RBFOX1: variants seen among roughly 807,000 people sequenced by gnomAD.
RBFOX1 encodes the protein RNA binding protein fox-1 homolog 1.
In RBFOX1, 8 loss-of-function variants were observed where a neutral mutation model predicts 57.7. That is an observed-to-expected ratio of 0.14 (90% CI 0.08 to 0.25). The LOEUF is 0.25. Among genes scored for constraint, RBFOX1 ranks in the 10% least tolerant of loss-of-function variants. The pLI is 1.00. For synonymous variants in RBFOX1, 326 were observed against 222.4 expected, an observed-to-expected ratio of 1.47 and a Z score of -4.15; for missense variants, 611 against 548.5, an observed-to-expected ratio of 1.11 and a Z score of -1.14.
At position 7,480,754 on chromosome 16, in the gene RBFOX1, G is replaced by A. The variant is rs573150426; in HGVS notation, c.28-37393G>A. Among the ~76,000 whole-genome samples the A allele has an allele frequency of 7.9e-5, 12 of 152,328 alleles. No homozygotes were observed. In the South Asian group the frequency reaches 2.5e-3, roughly 32 times the overall value. ...GGCACAGGCTTGACTGCAAGGGGAT[G>A]TGGGAAGCCATTTGTGAGAAGTCGT... On this transcript the variant is annotated intron_variant, in intron 4 of 15. Transcript: ENST00000550418.
chr16:5,827,266 G>C (rs931960332), intron 3 of RBFOX1, among the ~76,000 whole-genome samples: 3 of 151,970 alleles, frequency 2.0e-5, no homozygotes, highest in Admixed American at 1.3e-4. Flanking sequence ...CGGGTGTGGT[G>C]GTGGGTGCCA....
Position 5,362,439 on chromosome 16 carries a change from C to T in RBFOX1, c.220-104777C>T, listed in dbSNP as rs774433536. ...GTGCAACGGCGCGATCTCAGCTCAC[C>T]GCAACCTCTGCCTCCTGGGTTCAAG... is the stretch of plus-strand genomic sequence containing the variant. On this transcript the variant is annotated intron_variant, in intron 1 of 2. Coordinates refer to the RBFOX1 transcript ENST00000585867. 1.3e-4 allele frequency among the ~76,000 whole-genome samples: 20 copies of T among 152,130 alleles called. No homozygotes were observed. In the South Asian group the frequency reaches 1.5e-3, roughly 11 times the overall value.
intron 3 of RBFOX1, among the ~76,000 whole-genome samples, chr16:6,784,933 G>A (rs1167610815): frequency 6.6e-6 from 1 of 152,080 alleles, no homozygotes; most frequent in Non-Finnish European, 1.5e-5. Flanking sequence ...TTGAAAAATA[G>A]CACAAGCAGT....
At chr16:5,431,567 G>C (rs1237882216) in intron 1 of RBFOX1, among the ~76,000 whole-genome samples, 3 of 152,034 alleles carry the variant, frequency 2.0e-5, no homozygotes, top group Non-Finnish European at 4.4e-5. Context: ...TAGAGACGGG[G>C]TTTCACCATG....
chr16:6,814,030 T>G (rs1231077551), intron 3 of RBFOX1, among the ~76,000 whole-genome samples: 2 of 118,932 alleles, frequency 1.7e-5, no homozygotes, highest in East Asian at 4.4e-4. Context: ...AAAGGGAAAT[T>G]AGATTCAAAC....
At chr16:7,418,788 C>CTCTATCTCTGTG (rs2098510147) in intron 4 of RBFOX1, among the ~76,000 whole-genome samples, 1 of 152,170 alleles carries the variant, frequency 6.6e-6, no homozygotes, top group African/African-American at 2.4e-5. Flanking sequence ...CTATCTCTGT[C>CTCTATCTCTGTG]TTTCTCTGTC....
chr16:5,298,088 A>T (rs2063712180), intron 1 of RBFOX1, among the ~76,000 whole-genome samples: 1 of 152,224 alleles, frequency 6.6e-6, no homozygotes, highest in South Asian at 2.1e-4. Flanking sequence ...GTATTTAAGT[A>T]AAAGATGTGA....
intron 3 of RBFOX1, chr16:6,775,841 G>C (rs559873109): frequency 2.0e-5 from 3 of 152,202 alleles, no homozygotes; most frequent in African/African-American, 4.8e-5. Context: ...ATGAAAATCA[G>C]TTATTGTTGA....
intron 1 of RBFOX1, among the ~76,000 whole-genome samples, chr16:5,384,690 A>G (rs1015177768): frequency 2.6e-5 from 4 of 152,244 alleles, no homozygotes; most frequent in East Asian, 1.9e-4. Context: ...AATGGGTCAC[A>G]GGAAAATAGC....
intron 2 of RBFOX1, among the ~76,000 whole-genome samples, chr16:5,490,476 C>T (rs1302934190): frequency 1.3e-5 from 2 of 152,010 alleles, no homozygotes; most frequent in African/African-American, 4.8e-5. Flanking sequence ...AGAGAGGCGT[C>T]CTGGGAACCT....
intron 2 of RBFOX1, among the ~76,000 whole-genome samples, chr16:6,632,879 C>G (rs1318528453): frequency 6.6e-6 from 1 of 152,126 alleles, no homozygotes; most frequent in Non-Finnish European, 1.5e-5. Flanking sequence ...GGGGATGGGA[C>G]CATTTGAGCT....
chr16:6,645,176 G>A (rs2098523769), intron 2 of RBFOX1, among the ~76,000 whole-genome samples: 1 of 152,068 alleles, frequency 6.6e-6, no homozygotes, highest in Non-Finnish European at 1.5e-5. Context: ...CTCTTAAAAG[G>A]ATACTTGTTA....
intron 12 of RBFOX1, among the ~76,000 whole-genome samples, chr16:7,659,473 C>T (rs2067147176): frequency 6.6e-6 from 1 of 152,136 alleles, no homozygotes; most frequent in African/African-American, 2.4e-5. Context: ...TACCCATTCT[C>T]AGAATACTTT....
intron 10 of RBFOX1, among the ~76,000 whole-genome samples, chr16:7,612,960 T>C (rs1466617892): frequency 6.6e-6 from 1 of 152,162 alleles, no homozygotes; most frequent in Non-Finnish European, 1.5e-5. Flanking sequence ...CTTCCGTGGA[T>C]GGAGAGCACC....
At chr16:7,707,137 T>C (rs959343620) in intron 14 of RBFOX1, among the ~76,000 whole-genome samples, 12 of 152,180 alleles carry the variant, frequency 7.9e-5, no homozygotes, top group Admixed American at 7.9e-4. Context: ...CTCTTGAAGC[T>C]GAAAGCCTCA....
chr16:6,116,954 A>G (rs2096502681), intron 1 of RBFOX1, among the ~76,000 whole-genome samples: 1 of 152,148 alleles, frequency 6.6e-6, no homozygotes, highest in African/African-American at 2.4e-5. Flanking sequence ...GTATTGGGAT[A>G]ATCTCCGTTG....
At chr16:5,366,311 A>AAAT (rs2065713502) in intron 1 of RBFOX1, 2 of 359,988 alleles carry the variant, frequency 5.6e-6, no homozygotes, top group South Asian at 2.3e-5. Context: ...ATGATGATGA[A>AAAT]GATGATGATG....
chr16:5,286,565 C>T (rs2063400380), intron 1 of RBFOX1, among the ~76,000 whole-genome samples: 1 of 152,164 alleles, frequency 6.6e-6, no homozygotes, highest in South Asian at 2.1e-4. Flanking sequence ...CTTACCCTCA[C>T]AGCTCTGCAT....
chr16:5,695,093 G>A (rs2050807607), intron 3 of RBFOX1, among the ~76,000 whole-genome samples: 1 of 152,080 alleles, frequency 6.6e-6, no homozygotes, highest in Non-Finnish European at 1.5e-5. Flanking sequence ...AAATACAACA[G>A]TGTGTAAATG....
Sources: allele counts gnomAD v4.1 joint callset (sites outside exome capture counted in the v4.1 genomes callset), GRCh38; gene constraint gnomAD v4.1.1; transcripts MANE v1.5; gene names NCBI Gene and HGNC (gene_info 2026-07-23, HGNC 2026-07-21).